HMGB1: variants seen among roughly 807,000 people sequenced by gnomAD.
The protein encoded by HMGB1 is high mobility group protein B1.
For missense variants in HMGB1, 79 were observed against 253.5 expected (o/e 0.31, Z 4.67); for synonymous variants, 81 against 84.0 (o/e 0.96, Z 0.19).
chr13:30,575,779 G>A (rs1484546295), intron 1 of HMGB1, among the ~76,000 whole-genome samples: 2 of 152,136 alleles, frequency 1.3e-5, no homozygotes, highest in Non-Finnish European at 2.9e-5. Flanking sequence ...TTAGGTGCAT[G>A]GTGACACCTG....
intron 1 of HMGB1, among the ~76,000 whole-genome samples, chr13:30,558,095 A>T (rs549276718): frequency 8.1e-5 from 12 of 147,738 alleles, no homozygotes; most frequent in South Asian, 2.1e-4. Flanking sequence ...AAGAGCTATT[A>T]AAAAAAAAAG....
chr13:30,553,347 G>A (rs758391743), intron 1 of HMGB1, among the ~76,000 whole-genome samples: 7 of 152,300 alleles, frequency 4.6e-5, no homozygotes, highest in Middle Eastern at 3.4e-3. Context: ...ATGTGGTAAC[G>A]TAAAAGACTG....
chr13:30,456,762 G>GGGGC lies in HMGB1; in HGVS notation c.*4594_*4595insGCCC, dbSNP rs1886001259. 9.6e-6 allele frequency: 1 copy of GGGGC among 104,556 alleles called. No homozygotes were observed. The allele number at this position is 104,556 out of a possible 1,614,324, so 6.5% of individuals were successfully genotyped here. ...GCATAAATAACAGCTTTTGTGGGCG[G>GGGGC]GGGGGGGGGGTGGTGGGGTGCAATT... On this transcript the variant is annotated 3_prime_UTR_variant, in exon 5 of 5. Coordinates refer to ENST00000341423, the MANE Select transcript of HMGB1 (RefSeq NM_002128.7).
At chr13:30,502,035 A>G (rs1887746146) in intron 1 of HMGB1, among the ~76,000 whole-genome samples, 1 of 152,194 alleles carries the variant, frequency 6.6e-6, no homozygotes, top group African/African-American at 2.4e-5. Context: ...CAGTGCTTGG[A>G]TTTTTTAAGC....
chr13:30,530,602 T>C (rs1169610383), intron 1 of HMGB1, among the ~76,000 whole-genome samples: 3 of 152,218 alleles, frequency 2.0e-5, no homozygotes, highest in Admixed American at 1.3e-4. Flanking sequence ...CTGCTAACAA[T>C]AGTGAAAATT....
intron 1 of HMGB1, among the ~76,000 whole-genome samples, chr13:30,465,395 CCGCCGA>C (rs1254547686): frequency 6.9e-6 from 1 of 144,078 alleles, no homozygotes; most frequent in Non-Finnish European, 1.5e-5. Flanking sequence ...CCCGCCGCCG[CCGCCGA>C]GCCGCGCCGG....
chr13:30,528,169 G>T (rs577170969), intron 1 of HMGB1, among the ~76,000 whole-genome samples: 9 of 152,318 alleles, frequency 5.9e-5, no homozygotes, highest in Admixed American at 4.6e-4. Flanking sequence ...TGTTTTCTAC[G>T]TACAGGTTTT....
At chr13:30,563,485 T>C (rs1395161669) in intron 1 of HMGB1, among the ~76,000 whole-genome samples, 1 of 152,100 alleles carries the variant, frequency 6.6e-6, no homozygotes, top group Non-Finnish European at 1.5e-5. Flanking sequence ...GGCAGACACC[T>C]GTAGTCCCAG....
intron 1 of HMGB1, among the ~76,000 whole-genome samples, chr13:30,475,719 A>C (rs1470345746): frequency 6.6e-6 from 1 of 152,134 alleles, no homozygotes; most frequent in Non-Finnish European, 1.5e-5. Context: ...AAACAAACAA[A>C]ACCCAGAAAA....
intron 1 of HMGB1, among the ~76,000 whole-genome samples, chr13:30,615,850 T>A (rs1400664846): frequency 6.6e-6 from 1 of 152,206 alleles, no homozygotes; most frequent in Non-Finnish European, 1.5e-5. Flanking sequence ...CTACTGCAGC[T>A]GTTCGTTAGT....
chr13:30,497,796 T>C (rs1359521022), intron 1 of HMGB1, among the ~76,000 whole-genome samples: 1 of 152,332 alleles, frequency 6.6e-6, no homozygotes. Context: ...TATTCTTTTT[T>C]ATGGCTGGGT....
At chr13:30,493,720 C>T (rs947253026) in intron 1 of HMGB1, among the ~76,000 whole-genome samples, 1 of 152,060 alleles carries the variant, frequency 6.6e-6, no homozygotes, top group African/African-American at 2.4e-5. Flanking sequence ...TCTCTTGAGC[C>T]CAGGAGTTTG....
At chr13:30,493,201 C>T (rs758060706) in intron 1 of HMGB1, among the ~76,000 whole-genome samples, 3 of 151,634 alleles carry the variant, frequency 2.0e-5, no homozygotes, top group Admixed American at 1.3e-4. Flanking sequence ...TTTGTTTATG[C>T]CATAAACAAA....
At chr13:30,550,376 C>T (rs551736412) in intron 1 of HMGB1, among the ~76,000 whole-genome samples, 7 of 152,216 alleles carry the variant, frequency 4.6e-5, no homozygotes, top group Admixed American at 2.0e-4. Context: ...AAGCAGACAA[C>T]GAGAAGCTAT....
chr13:30,552,240 C>T (rs1869461183), intron 1 of HMGB1, among the ~76,000 whole-genome samples: 1 of 152,184 alleles, frequency 6.6e-6, no homozygotes, highest in Admixed American at 6.5e-5. Context: ...TTTTCCCCAT[C>T]CCCAAATATT....
intron 1 of HMGB1, among the ~76,000 whole-genome samples, chr13:30,595,187 T>C: frequency 6.6e-6 from 1 of 150,766 alleles, no homozygotes; most frequent in Non-Finnish European, 1.5e-5. Flanking sequence ...TAGTCTCAGA[T>C]AAAAAATTGT....
chr13:30,519,785 C>G (rs1397168146), intron 1 of HMGB1, among the ~76,000 whole-genome samples: 1 of 151,992 alleles, frequency 6.6e-6, no homozygotes, highest in Non-Finnish European at 1.5e-5. Flanking sequence ...AACTATCTTT[C>G]ATAATAAATA....
chr13:30,522,091 T>C (rs754604657), intron 1 of HMGB1, among the ~76,000 whole-genome samples: 2 of 144,626 alleles, frequency 1.4e-5, no homozygotes, highest in Middle Eastern at 7.2e-3. Flanking sequence ...GAATGTGAGT[T>C]AAAACATAAT....
At chr13:30,563,711 TC>T (rs1445109029) in intron 1 of HMGB1, among the ~76,000 whole-genome samples, 1 of 152,248 alleles carries the variant, frequency 6.6e-6, no homozygotes, top group African/African-American at 2.4e-5. Context: ...TTTCTGCAGT[TC>T]TATATTTAGA....
Sources: gnomAD v4.1 joint callset for allele counts (sites outside exome capture counted in the v4.1 genomes callset) on GRCh38, gnomAD v4.1.1 for gene constraint, MANE v1.5 for transcripts, NCBI Gene and HGNC (gene_info 2026-07-23, HGNC 2026-07-21) for gene names.